Variants in TENM1 observed in about 807,000 individuals in gnomAD.
TENM1 encodes teneurin transmembrane protein 1.
A neutral mutation model predicts 174.8 loss-of-function variants in TENM1; 35 were observed. The ratio of observed to expected loss-of-function variants is 0.20; its 90% CI spans 0.15 to 0.27. The LOEUF (loss-of-function observed/expected upper bound fraction) is 0.27, where lower values mean the gene tolerates loss of function less well. TENM1 is among the 10% of genes least tolerant of loss of function. TENM1 has a pLI of 1.00. For synonymous variants in TENM1, 781 were observed against 798.7 expected (o/e 0.98, Z 0.37); for missense variants, 1,633 against 2,130.1 (o/e 0.77, Z 4.59).
At chrX:124,926,522 A>G (rs1376858715) in intron 1 of TENM1, among the ~76,000 whole-genome samples, 1 of 111,495 alleles carries the variant, frequency 9.0e-6, no homozygotes, top group Non-Finnish European at 1.9e-5. Flanking sequence ...TCCACTTCCT[A>G]CTAGAATGTA....
intron 3 of TENM1, among the ~76,000 whole-genome samples, chrX:124,774,685 A>C (rs183243174): frequency 8.9e-6 from 1 of 111,774 alleles, no homozygotes; most frequent in East Asian, 2.8e-4. Context: ...TACTGGATTC[A>C]TGCTGAGTCC....
chrX:125,105,447 C>T, the TENM1 span, among the ~76,000 whole-genome samples: 1 of 111,769 alleles, frequency 8.9e-6, no homozygotes, highest in Non-Finnish European at 1.9e-5. Context: ...CCATGAATTT[C>T]CTCTGAGATG....
chrX:124,847,410 A>G (rs779574346), intron 3 of TENM1, among the ~76,000 whole-genome samples: 4 of 112,102 alleles, frequency 3.6e-5, no homozygotes, highest in Non-Finnish European at 5.7e-5. Flanking sequence ...CTGATGTTCT[A>G]TAATCAGCAA....
At chrX:125,180,078 A>T in the TENM1 span, among the ~76,000 whole-genome samples, 2 of 2 alleles carry the variant, frequency 1, 1 homozygote, top group Non-Finnish European at 1. Flanking sequence ...TTTTTTTTTT[A>T]AAAAAAGAAT....
the TENM1 span, among the ~76,000 whole-genome samples, chrX:125,060,177 TCTCTCACA>T: frequency 2.5e-4 from 21 of 82,551 alleles, no homozygotes; most frequent in South Asian, 4.4e-3. Flanking sequence ...TCTCTCTCTC[TCTCTCACA>T]CACACACACA....
intron 3 of TENM1, among the ~76,000 whole-genome samples, chrX:124,792,196 T>A (rs1291853631): frequency 8.9e-6 from 1 of 111,881 alleles, no homozygotes; most frequent in Non-Finnish European, 1.9e-5. Flanking sequence ...GATACATTTT[T>A]TATTTGAAAA....
intron 2 of TENM1, 40 bp downstream of exon 5, chrX:124,895,941 C>A (rs1233534236): frequency 8.4e-7 from 1 of 1,195,838 alleles, no homozygotes; most frequent in Non-Finnish European, 1.1e-6. Flanking sequence ...AAACTGCATT[C>A]TTTCTGTGTT....
chrX:125,069,102 C>T, the TENM1 span, among the ~76,000 whole-genome samples: 2 of 111,257 alleles, frequency 1.8e-5, no homozygotes, highest in Non-Finnish European at 3.8e-5. Flanking sequence ...CATCCATCAC[C>T]CAAATAATGA....
Position 124,848,404 on chromosome X carries a change from C to T in TENM1, c.535+45892G>A, listed in dbSNP as rs182576597. ...CCTCTATTGCACCTCCTATCACGTT[C>T]CTAAGAGTAACACATTGCTGATTTT... On this transcript the variant is annotated intron_variant, in intron 3 of 31. Transcript: ENST00000422452. Among the ~76,000 whole-genome samples the T allele has an allele frequency of 3.2e-3, 358 of 111,095 alleles. 2 individuals are homozygous for T. Among genetic ancestry groups the T allele is most frequent in the Non-Finnish European group, 5.4e-3 (285 of 52,845 alleles).
At chrX:125,052,317 C>T in the TENM1 span, among the ~76,000 whole-genome samples, 1 of 111,702 alleles carries the variant, frequency 9.0e-6, no homozygotes, top group African/African-American at 3.3e-5. Context: ...TGGACAGGGC[C>T]AAATAGGAAC....
chrX:124,957,990 T>C (rs2058602598), intron 1 of TENM1, among the ~76,000 whole-genome samples: 1 of 112,060 alleles, frequency 8.9e-6, no homozygotes, highest in African/African-American at 3.2e-5. Flanking sequence ...TTTTTAATAC[T>C]AATTTCTTAG....
chrX:124,864,013 C>T (rs2056960281), intron 3 of TENM1, among the ~76,000 whole-genome samples: 1 of 112,443 alleles, frequency 8.9e-6, no homozygotes, highest in Non-Finnish European at 1.9e-5. Context: ...CAAAGTGGTA[C>T]CTCTACGAGT....
chrX:125,190,199 T>C, the TENM1 span, among the ~76,000 whole-genome samples: 3 of 111,959 alleles, frequency 2.7e-5, no homozygotes, highest in African/African-American at 9.7e-5. Flanking sequence ...AACTTCTCGG[T>C]TTACATTATT....
At chrX:124,812,163 C>T (rs1276180950) in intron 3 of TENM1, among the ~76,000 whole-genome samples, 4 of 110,702 alleles carry the variant, frequency 3.6e-5, no homozygotes, top group African/African-American at 1.3e-4. Context: ...GTTTTTACCA[C>T]AAAAATGATG....
At position 124,724,328 on chromosome X, in the gene TENM1, G is replaced by A. The variant is rs1036614603; in HGVS notation, c.776+12629C>T. ...AGAAAAGGCATAGCACTTTACTTAA[G>A]TTTCAGTGAGGAACAAAGACAAGTA... On this transcript the variant is annotated intron_variant, in intron 4 of 31. Coordinates refer to ENST00000422452, the Ensembl canonical transcript of TENM1. 2.7e-5 allele frequency among the ~76,000 whole-genome samples: 3 copies of A among 112,447 alleles called. No individual in the cohort carries two copies. In the East Asian group the frequency reaches 8.3e-4, roughly 31 times the overall value.
intron 1 of TENM1, among the ~76,000 whole-genome samples, chrX:124,904,906 C>T (rs1362033181): frequency 9.0e-6 from 1 of 111,674 alleles, no homozygotes; most frequent in Non-Finnish European, 1.9e-5. Flanking sequence ...CATGCCATAT[C>T]CCAGATAGAA....
At chrX:124,687,439 T>C (rs2052395478) in intron 5 of TENM1, among the ~76,000 whole-genome samples, 1 of 111,971 alleles carries the variant, frequency 8.9e-6, no homozygotes, top group Non-Finnish European at 1.9e-5. Context: ...TCAAGATGGA[T>C]TGAAGACTTA....
the TENM1 span, among the ~76,000 whole-genome samples, chrX:125,084,139 C>A: frequency 9.0e-6 from 1 of 110,760 alleles, no homozygotes; most frequent in Admixed American, 9.7e-5. Flanking sequence ...CTTCCCTCCC[C>A]TTTCCCCATA....
intron 23 of TENM1, among the ~76,000 whole-genome samples, chrX:124,452,137 A>G (rs745855140): frequency 4.4e-5 from 5 of 112,705 alleles, no homozygotes; most frequent in African/African-American, 1.3e-4. Flanking sequence ...ACAAAGGGCT[A>G]ATATCCAGAA....
Sources: gnomAD v4.1 joint callset for allele counts (sites outside exome capture counted in the v4.1 genomes callset) on GRCh38, gnomAD v4.1.1 for gene constraint, MANE v1.5 for transcripts, NCBI Gene and HGNC (gene_info 2026-07-23, HGNC 2026-07-21) for gene names.